The following MED12L variants were observed in gnomAD, a reference collection of about 807,000 sequenced individuals.
MED12L encodes the protein mediator complex subunit 12L.
MED12L carries 60 observed loss-of-function variants against 281.3 expected under a neutral mutation model. That is an observed-to-expected ratio of 0.21 (90% CI 0.17 to 0.26). The LOEUF (loss-of-function observed/expected upper bound fraction) is 0.26. Ranked by LOEUF, MED12L falls within the 10% of genes least tolerant of loss-of-function variation. The pLI is 1.00. For missense variants in MED12L, 2,146 were observed against 2,680.9 expected, an observed-to-expected ratio of 0.80 and a Z score of 4.41; for synonymous variants, 974 against 987.2, an observed-to-expected ratio of 0.99 and a Z score of 0.25.
At chr3:151,368,705 A>T (rs1489792612) in intron 25 of MED12L, among the ~76,000 whole-genome samples, 1 of 32,124 alleles carries the variant, frequency 3.1e-5, no homozygotes. Context: ...ATTTCATTTC[A>T]TTTCATTTCA....
chr3:151,375,970 C>CATATATATATATATATATATAT lies in MED12L; in HGVS notation c.3865-45_3865-44insTATATATATATATATATATATA, dbSNP rs148538586. On this transcript the variant is annotated intron_variant, in intron 27 of 44. Coordinates refer to ENST00000687756, the MANE Select transcript of MED12L (RefSeq NM_001393769.1). ...TGCACTGTGGATTTAGTACATATTG[C>CATATATATATATATATATATAT]ATATATATATACCGAAAGCCAGTGC... The CATATATATATATATATATATAT allele has an allele frequency of 1.5e-3, 1,212 of 812,076 alleles. 3 individuals carry two copies. Among genetic ancestry groups the CATATATATATATATATATATAT allele is most frequent in the Admixed American group, 3.6e-3 (126 of 35,202 alleles). The allele number at this position is 812,076 out of a possible 1,614,324, so 50.3% of individuals were successfully genotyped here.
chr3:151,341,248 G>A (rs904041263), intron 16 of MED12L, among the ~76,000 whole-genome samples: 1 of 152,018 alleles, frequency 6.6e-6, no homozygotes, highest in African/African-American at 2.4e-5. Flanking sequence ...TTTTAAACCT[G>A]TGTTTGATTA....
At chr3:151,136,123 A>T (rs1245624541) in intron 5 of MED12L, among the ~76,000 whole-genome samples, 1 of 152,210 alleles carries the variant, frequency 6.6e-6, no homozygotes, top group Non-Finnish European at 1.5e-5. Flanking sequence ...ATACTCTTGT[A>T]ACCACTATCC....
intron 16 of MED12L, among the ~76,000 whole-genome samples, chr3:151,275,254 G>A (rs1312090633): frequency 1.3e-5 from 2 of 151,970 alleles, no homozygotes; most frequent in South Asian, 4.1e-4. Flanking sequence ...GATCGCTTTG[G>A]GCCAACCTCA....
At chr3:151,290,920 A>G (rs951053852) in intron 16 of MED12L, among the ~76,000 whole-genome samples, 3 of 152,196 alleles carry the variant, frequency 2.0e-5, no homozygotes, top group Admixed American at 6.5e-5. Flanking sequence ...TGCATCTACT[A>G]TGATACTTGT....
intron 8 of MED12L, among the ~76,000 whole-genome samples, chr3:151,162,145 G>T (rs1028026541): frequency 2.0e-5 from 3 of 152,166 alleles, no homozygotes; most frequent in South Asian, 2.1e-4. Flanking sequence ...TGGGCTAAGA[G>T]CAAATAGGAG....
Position 151,160,076 on chromosome 3 carries a change from T to C in MED12L, c.1082T>C (p.Val361Ala). ...FLSCAQHGPL[V>A]YGLSCMLQTV... is the part of the protein sequence containing the mutation. ...TCCTGTGCACAGCATGGTCCCCTGG[T>C]TTATGGACTTAGTTGTATGTTGCAG... The change falls in exon 8 of 45, where the codon GTT becomes GCT. Residue 361 changes from valine to alanine, a missense_variant. By Grantham distance (64) the Val-to-Ala change is moderately conservative. This residue lies in a region of MED12L where 722 missense variants were observed against 861.2 expected (regional missense o/e 0.84). Coordinates refer to ENST00000687756, the MANE Select transcript of MED12L (RefSeq NM_001393769.1). The C allele has an allele frequency of 6.2e-7, 1 of 1,609,586 alleles. No individual in the cohort carries two copies. The highest frequency in any genetic ancestry group is 8.5e-7 in the Non-Finnish European group (1 of 1,177,250).
At position 151,377,169 on chromosome 3, in the gene MED12L, C is replaced by A. The variant is rs1426163519; in HGVS notation, c.4307C>A (p.Thr1436Lys). ...TSSTRQNGIK[T>K]FLSSSERRGV... The stretch of plus-strand genomic sequence containing the variant: ...AGCACGAGACAGAATGGAATAAAGA[C>A]ATTCCTAAGGTATTTTTGTCTGTTG... Residue 1436 changes from threonine (T) to lysine (K), a missense_variant, in exon 30 of 45, where the codon ACA (threonine) becomes AAA (lysine). By Grantham distance (78) the Thr-to-Lys change is moderately conservative. Around this residue, in one of 9 missense-constraint regions of MED12L, gnomAD observed 235 missense variants for 260.3 expected, o/e 0.90. Transcript: ENST00000687756. The A allele has an allele frequency of 1.9e-6, 3 of 1,608,400 alleles. No individual in the cohort carries two copies. The African/African-American group carries it at 4.0e-5, about 22-fold the overall frequency.
intron 16 of MED12L, chr3:151,295,054 C>T: frequency 6.2e-7 from 1 of 1,613,908 alleles, no homozygotes; most frequent in South Asian, 1.1e-5. Context: ...AGAAGATCCA[C>T]ACTGCTAAAC....
At chr3:151,405,477 C>A (rs972057639) in intron 39 of MED12L, among the ~76,000 whole-genome samples, 2 of 152,102 alleles carry the variant, frequency 1.3e-5, no homozygotes, top group Non-Finnish European at 2.9e-5. Context: ...CCACCAAAAA[C>A]CATCTTCCTG....
At chr3:151,411,810 T>A (rs900940377) in intron 41 of MED12L, among the ~76,000 whole-genome samples, 2 of 152,346 alleles carry the variant, frequency 1.3e-5, no homozygotes, top group African/African-American at 4.8e-5. Context: ...TCTTCTTTTT[T>A]AAAAATTCTC....
At chr3:151,256,814 TG>T (rs1314789947) in intron 16 of MED12L, among the ~76,000 whole-genome samples, 6 of 137,580 alleles carry the variant, frequency 4.4e-5, no homozygotes, top group African/African-American at 1.6e-4. Context: ...TAATCCAGTC[TG>T]TTTTTTTTTT....
chr3:151,158,061 A>G (rs913908690), intron 6 of MED12L, among the ~76,000 whole-genome samples: 52 of 152,314 alleles, frequency 3.4e-4, no homozygotes, highest in Admixed American at 1.8e-3. Context: ...AGTGGTCTCT[A>G]TAGGGTCTGT....
intron 16 of MED12L, among the ~76,000 whole-genome samples, chr3:151,266,676 T>C (rs1739895450): frequency 6.6e-6 from 1 of 152,100 alleles, no homozygotes; most frequent in Admixed American, 6.6e-5. Flanking sequence ...AACATATCAG[T>C]GGAAAGGAAC....
intron 25 of MED12L, 104 bp from the exon 26 acceptor site, chr3:151,369,332 T>C: frequency 1.5e-6 from 1 of 673,122 alleles, no homozygotes; most frequent in Non-Finnish European, 2.5e-6. Flanking sequence ...CTAATGGCAA[T>C]TAAGCACCCA....
chr3:151,203,424 T>A (rs990120912), intron 16 of MED12L, among the ~76,000 whole-genome samples: 1 of 150,110 alleles, frequency 6.7e-6, no homozygotes, highest in Non-Finnish European at 1.5e-5. Flanking sequence ...TTTTTTTTTT[T>A]AAAGTATCCA....
chr3:151,350,845 G>A (rs1382399524), intron 17 of MED12L, among the ~76,000 whole-genome samples: 2 of 152,062 alleles, frequency 1.3e-5, no homozygotes, highest in Admixed American at 6.5e-5. Context: ...GTGCCTTTAT[G>A]TTGTATCACC....
At chr3:151,130,017 C>G (rs995868816) in intron 5 of MED12L, among the ~76,000 whole-genome samples, 1 of 151,992 alleles carries the variant, frequency 6.6e-6, no homozygotes, top group South Asian at 2.1e-4. Flanking sequence ...GATCCTCTCA[C>G]CTGCACCACC....
intron 17 of MED12L, among the ~76,000 whole-genome samples, chr3:151,351,934 C>G (rs909112494): frequency 6.6e-6 from 1 of 152,124 alleles, no homozygotes; most frequent in Non-Finnish European, 1.5e-5. Context: ...ACTCACAAAG[C>G]GAAAAACATT....
Sources: allele counts gnomAD v4.1 joint callset (sites outside exome capture counted in the v4.1 genomes callset), GRCh38; gene constraint gnomAD v4.1.1; regional missense constraint gnomAD v4.1.1; transcripts MANE v1.5; gene names NCBI Gene and HGNC (gene_info 2026-07-23, HGNC 2026-07-21).